Variants in CDH13 observed in about 807,000 individuals in gnomAD.
The protein encoded by CDH13 is cadherin 13, also known as cadherin-13.
A neutral mutation model predicts 63.8 loss-of-function variants in CDH13; 24 were observed. The ratio of observed to expected loss-of-function variants is 0.38; its 90% CI spans 0.27 to 0.53. CDH13 has a LOEUF of 0.53. Among genes scored for constraint, CDH13 ranks in the 20% least tolerant of loss-of-function variants. The probability of loss-of-function intolerance (pLI) is 0.85; values close to 1 mark genes in which losing one functional copy is unlikely to be tolerated. For missense variants in CDH13, 1,049 were observed against 903.1 expected, an observed-to-expected ratio of 1.16 and a Z score of -2.07; for synonymous variants, 503 against 355.3, an observed-to-expected ratio of 1.42 and a Z score of -4.67.
intron 2 of CDH13, among the ~76,000 whole-genome samples, chr16:82,929,930 C>G (rs2042432060): frequency 6.6e-6 from 1 of 151,934 alleles, no homozygotes; most frequent in Non-Finnish European, 1.5e-5. Flanking sequence ...CATAACAACA[C>G]TCAGAGAAAC....
intron 6 of CDH13, among the ~76,000 whole-genome samples, chr16:83,363,503 G>A (rs944397975): frequency 2.6e-5 from 4 of 152,174 alleles, no homozygotes; most frequent in African/African-American, 9.7e-5. Flanking sequence ...GAAGAAACCA[G>A]CATTTCCCAA....
Position 82,644,935 on chromosome 16 carries a change from G to T in CDH13, c.45+17798G>T, listed in dbSNP as rs920730348. Among the ~76,000 whole-genome samples, 1 of 152,308 alleles carries T rather than the reference G, an allele frequency of 6.6e-6. No homozygotes were observed. The highest frequency in any genetic ancestry group is 1.9e-4 in the East Asian group (1 of 5,184). ...AATTAGGGGAATCAAAAAATTACTT[G>T]TATAAACTAATATTTTGGAAAACTC... is the stretch of plus-strand genomic sequence containing the variant. On this transcript the variant is annotated intron_variant, in intron 1 of 13. Transcript: ENST00000567109. The surrounding 1 kb of genome is among the most constrained non-coding windows in gnomAD (Gnocchi z 5.7).
chr16:82,958,391 G>T (rs1053187732), intron 2 of CDH13, among the ~76,000 whole-genome samples: 1 of 152,122 alleles, frequency 6.6e-6, no homozygotes, highest in Admixed American at 6.6e-5. Context: ...GAGAGGATGC[G>T]GTGAAGAAAA....
intron 4 of CDH13, among the ~76,000 whole-genome samples, chr16:83,172,556 A>C (rs2037966719): frequency 6.6e-6 from 1 of 150,920 alleles, no homozygotes; most frequent in South Asian, 2.1e-4. Flanking sequence ...CTATAAGCCC[A>C]AAAATGCCAA....
intron 6 of CDH13, among the ~76,000 whole-genome samples, chr16:83,465,044 A>AT (rs1055261266): frequency 6.6e-6 from 1 of 152,168 alleles, no homozygotes; most frequent in African/African-American, 2.4e-5. Flanking sequence ...GTATTCATTC[A>AT]TTTTTTCCAC....
intron 1 of CDH13, among the ~76,000 whole-genome samples, chr16:82,706,290 G>T (rs1394584650): frequency 6.6e-6 from 1 of 152,166 alleles, no homozygotes; most frequent in Non-Finnish European, 1.5e-5. Context: ...GAGTAACACA[G>T]GTGATAAATA....
rs557756584 is a variant in CDH13 at position 82,634,489 on chromosome 16, G to A, written c.45+7352G>A. On this transcript the variant is annotated intron_variant, in intron 1 of 13. Transcript: ENST00000567109. ...CCCTCCTCAACTGCCATCAGCCGTC[G>A]GGCATCTGGGATCATCTCACTCAGG... Among the ~76,000 whole-genome samples, 14 of 152,268 alleles carry A rather than the reference G, an allele frequency of 9.2e-5. No individual in the cohort carries two copies. The South Asian group carries it at 1.7e-3, about 18-fold the overall frequency.
intron 2 of CDH13, among the ~76,000 whole-genome samples, chr16:82,933,416 G>T (rs1044562823): frequency 3.3e-5 from 5 of 152,068 alleles, no homozygotes; most frequent in African/African-American, 1.2e-4. Flanking sequence ...CACTCATGAG[G>T]TCCCTCCCCC....
chr16:83,658,462 C>T (rs1471057251), intron 8 of CDH13, among the ~76,000 whole-genome samples: 1 of 137,986 alleles, frequency 7.2e-6, no homozygotes, highest in Admixed American at 7.1e-5. Flanking sequence ...CAGCAAGGTC[C>T]CATGTCCTCA....
intron 5 of CDH13, among the ~76,000 whole-genome samples, chr16:83,327,538 T>C (rs1390594728): frequency 6.6e-6 from 1 of 152,230 alleles, no homozygotes; most frequent in Non-Finnish European, 1.5e-5. Context: ...ACTTGTTCTA[T>C]TGTGCTATGG....
chr16:83,316,241 C>T (rs139458234), intron 5 of CDH13, among the ~76,000 whole-genome samples: 1 of 152,182 alleles, frequency 6.6e-6, no homozygotes, highest in African/African-American at 2.4e-5. Context: ...GTGGGGATTA[C>T]AATTCGGATT....
chr16:83,708,588 C>T (rs889315728), intron 10 of CDH13, among the ~76,000 whole-genome samples: 1 of 152,190 alleles, frequency 6.6e-6, no homozygotes, highest in Admixed American at 6.5e-5. Context: ...AACGCCCACA[C>T]CGCCTCCACT....
intron 1 of CDH13, among the ~76,000 whole-genome samples, chr16:82,785,094 GTC>G (rs2035942004): frequency 2.6e-5 from 4 of 152,182 alleles, no homozygotes; most frequent in Admixed American, 2.0e-4. Flanking sequence ...GCCTGATGAA[GTC>G]TGAAGGAGGG....
At chr16:83,286,629 G>A (rs917041617) in intron 5 of CDH13, among the ~76,000 whole-genome samples, 61 of 151,808 alleles carry the variant, frequency 4.0e-4, no homozygotes, top group Admixed American at 6.6e-4. Context: ...GGCAGCATGC[G>A]CTGGTAGTCC....
At chr16:82,731,820 C>T (rs2033418465) in intron 1 of CDH13, among the ~76,000 whole-genome samples, 1 of 152,152 alleles carries the variant, frequency 6.6e-6, no homozygotes, top group African/African-American at 2.4e-5. Context: ...CAGTGAAATA[C>T]ATAATCAACA....
chr16:83,027,782 A>G (rs1915953642), intron 2 of CDH13, among the ~76,000 whole-genome samples: 1 of 152,138 alleles, frequency 6.6e-6, no homozygotes, highest in Admixed American at 6.6e-5. Flanking sequence ...TGTCTGTGCC[A>G]ATCTAACTGC....
At chr16:83,193,405 G>A (rs1046066066) in intron 4 of CDH13, among the ~76,000 whole-genome samples, 5 of 152,128 alleles carry the variant, frequency 3.3e-5, no homozygotes, top group Admixed American at 6.6e-5. Context: ...TGCCAGTTGC[G>A]AGCCCCAAAC....
chr16:82,798,704 G>T (rs1449381851), intron 1 of CDH13, among the ~76,000 whole-genome samples: 1 of 152,120 alleles, frequency 6.6e-6, no homozygotes, highest in Non-Finnish European at 1.5e-5. Flanking sequence ...AGCCTGTTTG[G>T]GTTTGGGGAG....
intron 2 of CDH13, among the ~76,000 whole-genome samples, chr16:83,020,390 C>T (rs1915236092): frequency 6.6e-6 from 1 of 152,224 alleles, no homozygotes; most frequent in Non-Finnish European, 1.5e-5. Context: ...AGGGCCTCCC[C>T]ACTGCCCTCT....
Sources: allele counts gnomAD v4.1 joint callset (sites outside exome capture counted in the v4.1 genomes callset), GRCh38; gene constraint gnomAD v4.1.1; non-coding constraint Gnocchi (gnomAD v3.1); transcripts MANE v1.5; gene names NCBI Gene and HGNC (gene_info 2026-07-23, HGNC 2026-07-21).